Variants in CYP4Z1 observed in about 807,000 individuals in gnomAD.
The protein encoded by CYP4Z1 is cytochrome P450 4Z1.
CYP4Z1 carries 41 observed loss-of-function variants against 54.2 expected under a neutral mutation model. The observed-to-expected ratio is 0.76, with a 90% CI of 0.59 to 0.98. The LOEUF (loss-of-function observed/expected upper bound fraction) is 0.98, where lower values mean the gene tolerates loss of function less well. Ranked by LOEUF, CYP4Z1 falls within the 50% of genes least tolerant of loss-of-function variation. The probability of loss-of-function intolerance (pLI) is 0.00; values close to 1 mark genes in which losing one functional copy is unlikely to be tolerated. For missense variants in CYP4Z1, 513 were observed against 599.0 expected (o/e 0.86, Z 1.50); for synonymous variants, 163 against 206.2 (o/e 0.79, Z 1.79).
At chr1:47,091,978 G>C (rs1354321391) in intron 6 of CYP4Z1, among the ~76,000 whole-genome samples, 4 of 151,848 alleles carry the variant, frequency 2.6e-5, no homozygotes, top group Non-Finnish European at 5.9e-5. Context: ...TTAATTTCCA[G>C]AATCACCCAG....
intron 2 of CYP4Z1, among the ~76,000 whole-genome samples, chr1:47,073,543 C>A (rs1398336073): frequency 3.3e-5 from 5 of 150,662 alleles, no homozygotes; most frequent in Non-Finnish European, 5.9e-5. Flanking sequence ...TGGGGTTTCA[C>A]CATGTTGGCC....
chr1:47,101,945 G>A (rs1347888680), intron 8 of CYP4Z1, among the ~76,000 whole-genome samples: 9 of 152,122 alleles, frequency 5.9e-5, no homozygotes, highest in African/African-American at 1.9e-4. Flanking sequence ...GTCCTCCAAT[G>A]TTGGATGCAT....
rs767710259 is a variant in CYP4Z1 at position 47,067,635 on chromosome 1, C to A, written c.145C>A (p.Pro49Thr). Residue 49 changes from proline (P) to threonine (T), a missense_variant, in exon 1 of 12, where the codon CCC (proline) becomes ACC (threonine). By Grantham distance (38) the Pro-to-Thr change is conservative (BLOSUM62 -1). Coordinates refer to ENST00000334194, the MANE Select transcript of CYP4Z1 (RefSeq NM_178134.3). ...MIRALHLFPA[P>T]PAHWFYGHKE... is the part of the protein sequence containing the mutation. ...CAGAGCCCTGCACCTGTTTCCTGCA[C>A]CCCCTGCCCACTGGTTCTATGGCCA... 1 of 1,610,690 alleles carries A rather than the reference C, an allele frequency of 6.2e-7. No individual in the cohort carries two copies. Among genetic ancestry groups the A allele is most frequent in the Non-Finnish European group, 8.5e-7 (1 of 1,178,072 alleles).
chr1:47,098,504 C>G (rs1449699391), intron 7 of CYP4Z1, among the ~76,000 whole-genome samples: 1 of 152,134 alleles, frequency 6.6e-6, no homozygotes, highest in Non-Finnish European at 1.5e-5. Context: ...GCCTGCAATC[C>G]CATTTGGTAA....
the CYP4Z1 span, among the ~76,000 whole-genome samples, chr1:47,056,834 C>T: frequency 2.6e-5 from 4 of 152,058 alleles, no homozygotes; most frequent in East Asian, 1.9e-4. Flanking sequence ...TGAGATGGGA[C>T]TCCTGAATAC....
At chr1:47,059,527 T>C in the CYP4Z1 span, among the ~76,000 whole-genome samples, 1 of 152,158 alleles carries the variant, frequency 6.6e-6, no homozygotes, top group African/African-American at 2.4e-5. Flanking sequence ...AAAACAATAA[T>C]TTGCAACAGG....
Position 47,106,271 on chromosome 1 carries a change from C to CTT in CYP4Z1, c.1201+25_1201+26dup, listed in dbSNP as rs34936674. 10,326 of 1,512,004 alleles carry CTT rather than the reference C, an allele frequency of 6.8e-3. 3 individuals are homozygous for CTT. Among genetic ancestry groups the CTT allele is most frequent in the Non-Finnish European group, 8.4e-3 (9,409 of 1,120,952 alleles). The allele number at this position is 1,512,004 out of a possible 1,614,324, so 93.7% of individuals were successfully genotyped here. On this transcript the variant is annotated intron_variant, in intron 9 of 11. Coordinates refer to ENST00000334194, the MANE Select transcript of CYP4Z1 (RefSeq NM_178134.3). ...CGCTCCTTACCTGCAGGTCTTAAAA[C>CTT]TTTTTTTTTTTTTTTTAACAATGCA...
chr1:47,107,567 G>A (rs1644765632), intron 9 of CYP4Z1, among the ~76,000 whole-genome samples: 1 of 151,984 alleles, frequency 6.6e-6, no homozygotes, highest in Non-Finnish European at 1.5e-5. Context: ...ACAGCTCAGA[G>A]TCAACTTTTA....
At chr1:47,104,671 A>C (rs1644744543) in intron 8 of CYP4Z1, among the ~76,000 whole-genome samples, 1 of 152,046 alleles carries the variant, frequency 6.6e-6, no homozygotes, top group South Asian at 2.1e-4. Context: ...ACCCCAGGAG[A>C]AGTGCTCAGG....
intron 6 of CYP4Z1, among the ~76,000 whole-genome samples, chr1:47,090,142 C>A (rs1236862571): frequency 1.3e-5 from 2 of 152,198 alleles, no homozygotes; most frequent in Admixed American, 1.3e-4. Flanking sequence ...TTCTTTATAA[C>A]CTTCTCTTCA....
the CYP4Z1 span, among the ~76,000 whole-genome samples, chr1:47,055,663 G>A: frequency 2.0e-5 from 3 of 152,000 alleles, no homozygotes; most frequent in African/African-American, 7.2e-5. Flanking sequence ...TGTATGTGTC[G>A]AGGAATTTAT....
intron 9 of CYP4Z1, among the ~76,000 whole-genome samples, 184 bp downstream of exon 9, chr1:47,106,445 C>G (rs536754708): frequency 0.015 from 2,251 of 150,604 alleles, 30 homozygotes; most frequent in South Asian, 0.051. Context: ...ACAGGATTAT[C>G]AAGGTGCAAA....
At chr1:47,067,741 G>A in intron 1 of CYP4Z1, 74 bp downstream of exon 1, 2 of 1,388,818 alleles carry the variant, frequency 1.4e-6, no homozygotes, top group Admixed American at 2.3e-5. Context: ...GCACAGACTG[G>A]TGGGGCATTA....
intron 2 of CYP4Z1, among the ~76,000 whole-genome samples, chr1:47,070,450 T>TA (rs1344243450): frequency 1.0e-4 from 8 of 78,142 alleles, no homozygotes; most frequent in Admixed American, 1.4e-4. Context: ...CATTAAACTC[T>TA]AACTCCCCAT....
intron 1 of CYP4Z1, among the ~76,000 whole-genome samples, chr1:47,068,113 A>G (rs1644463537): frequency 6.6e-6 from 1 of 152,206 alleles, no homozygotes; most frequent in African/African-American, 2.4e-5. Flanking sequence ...AGCAACCAAA[A>G]GGAGTAAAAG....
intron 6 of CYP4Z1, among the ~76,000 whole-genome samples, chr1:47,086,886 G>A (rs866453945): frequency 6.6e-6 from 1 of 152,090 alleles, no homozygotes; most frequent in Non-Finnish European, 1.5e-5. Flanking sequence ...TGTAAGGAAG[G>A]GATCCAGTTT....
intron 4 of CYP4Z1, among the ~76,000 whole-genome samples, chr1:47,082,805 G>A (rs1644564750): frequency 1.3e-5 from 2 of 150,004 alleles, no homozygotes; most frequent in African/African-American, 4.9e-5. Flanking sequence ...TGTTCAGGAG[G>A]TCGAGTCAGG....
At chr1:47,069,561 T>G (rs1399240206) in intron 2 of CYP4Z1, among the ~76,000 whole-genome samples, 1 of 151,668 alleles carries the variant, frequency 6.6e-6, no homozygotes, top group Non-Finnish European at 1.5e-5. Flanking sequence ...CTCCCCTTTA[T>G]GCTCTGCTCT....
At chr1:47,060,201 T>C in the CYP4Z1 span, among the ~76,000 whole-genome samples, 1 of 152,218 alleles carries the variant, frequency 6.6e-6, no homozygotes, top group Non-Finnish European at 1.5e-5. Context: ...TTCATATACT[T>C]TTTAAAAAAT....
Sources: allele counts gnomAD v4.1 joint callset (sites outside exome capture counted in the v4.1 genomes callset), GRCh38; gene constraint gnomAD v4.1.1; transcripts MANE v1.5; gene names NCBI Gene and HGNC (gene_info 2026-07-23, HGNC 2026-07-21).